GPR143: variants seen among roughly 807,000 people sequenced by gnomAD.
GPR143 encodes G protein-coupled receptor 143, also known as G-protein coupled receptor 143.
In GPR143, 8 loss-of-function variants were observed where a neutral mutation model predicts 27.6. The ratio of observed to expected loss-of-function variants is 0.29; its 90% CI spans 0.17 to 0.52. The LOEUF is 0.52. GPR143 is among the 20% of genes least tolerant of loss of function. The pLI, the probability that GPR143 is intolerant of heterozygous loss-of-function variation, is 0.96. For missense variants in GPR143, 303 were observed against 343.1 expected (o/e 0.88, Z 0.92); for synonymous variants, 156 against 153.2 (o/e 1.02, Z -0.13).
chrX:9,763,701 G>A (rs1469696776), intron 1 of GPR143, among the ~76,000 whole-genome samples: 2 of 111,697 alleles, frequency 1.8e-5, no homozygotes, highest in African/African-American at 3.3e-5. Flanking sequence ...CTGCATTTAC[G>A]CATGGTGGAA....
In GPR143 at chrX:9,751,496, G is replaced by A. The variant is rs1326590118; in HGVS notation, c.456-2830C>T. Among the ~76,000 whole-genome samples, 7 of 112,483 alleles carry A rather than the reference G, an allele frequency of 6.2e-5. No individual in the cohort carries two copies. In the East Asian group the frequency reaches 1.4e-3, roughly 22 times the overall value. ...CTACAAGATGGCTGTCAGCACGTGC[G>A]AAGGTAATATCGAGTTGAAAGGAAT... On this transcript the variant is annotated intron_variant, in intron 3 of 8. Coordinates refer to ENST00000467482, the MANE Select transcript of GPR143 (RefSeq NM_000273.3).
chrX:9,740,928 C>T (rs1442190594), intron 7 of GPR143: 1 of 294,860 alleles, frequency 3.4e-6, no homozygotes, highest in African/African-American at 2.8e-5. Context: ...CTGCACCAAA[C>T]TGTTTGACCA....
chrX:9,753,959 C>T (rs975890425), intron 3 of GPR143, among the ~76,000 whole-genome samples: 1 of 111,759 alleles, frequency 8.9e-6, no homozygotes, highest in Admixed American at 9.6e-5. Flanking sequence ...ACCCCGTTTC[C>T]CCCAGGAGTT....
intron 1 of GPR143, among the ~76,000 whole-genome samples, chrX:9,771,711 CT>C (rs58257808): frequency 2.0e-4 from 19 of 94,611 alleles, no homozygotes; most frequent in South Asian, 4.8e-4. Context: ...CATTCTCTCT[CT>C]TTTTTTTTTT....
chrX:9,772,084 C>G (rs1447737570), intron 1 of GPR143, among the ~76,000 whole-genome samples: 1 of 111,396 alleles, frequency 9.0e-6, no homozygotes, highest in Non-Finnish European at 1.9e-5. Flanking sequence ...TGTCCTTCCT[C>G]TTGGATTCTG....
At position 9,755,683 on chromosome X, in the gene GPR143, C is replaced by T. The variant is rs1312085416; in HGVS notation, c.455+3649G>A. Reference sequence around the variant, plus strand: ...CACCAGCAGCTATATTGGGCCATGACACTTTGAGGATGGAAGTCACACGAT... The same window carrying T: ...CACCAGCAGCTATATTGGGCCATGATACTTTGAGGATGGAAGTCACACGAT... On this transcript the variant is annotated intron_variant, in intron 3 of 8. Transcript: ENST00000467482. 5.4e-5 allele frequency among the ~76,000 whole-genome samples: 6 copies of T among 110,720 alleles called. No individual in the cohort carries two copies. In the South Asian group the frequency reaches 1.5e-3, roughly 28 times the overall value.
At chrX:9,753,370 A>G (rs1160091464) in intron 3 of GPR143, among the ~76,000 whole-genome samples, 4 of 107,781 alleles carry the variant, frequency 3.7e-5, no homozygotes, top group Non-Finnish European at 7.6e-5. Context: ...AAAAATAAAT[A>G]AATAAATAAA....
chrX:9,761,228 G>C (rs2083498471), intron 1 of GPR143, among the ~76,000 whole-genome samples: 1 of 111,071 alleles, frequency 9.0e-6, no homozygotes, highest in South Asian at 3.8e-4. Flanking sequence ...CGAGTGGCTG[G>C]GATTACAGGC....
upstream of GPR143, among the ~76,000 whole-genome samples, chrX:9,770,358 G>GAGAGAGAGAGA (rs1569127514): frequency 2.2e-4 from 17 of 76,592 alleles, no homozygotes; most frequent in African/African-American, 9.5e-4. Context: ...AGAGAGAGAG[G>GAGAGAGAGAGA]AAGACCAGCC....
At chrX:9,765,912 T>A (rs1325202231), upstream of GPR143, 16 of 866,362 alleles carry the variant, frequency 1.8e-5, no homozygotes, top group Admixed American at 7.5e-4. Flanking sequence ...TCATGTGCCC[T>A]GGGCCTCTCC....
chrX:9,733,146 A>T (rs1279368230), intron 8 of GPR143, among the ~76,000 whole-genome samples: 1 of 110,736 alleles, frequency 9.0e-6, no homozygotes, highest in Non-Finnish European at 1.9e-5. Context: ...AGAAACAGGA[A>T]ATTGCTGGAG....
chrX:9,771,077 G>A (rs747041627), upstream of GPR143, among the ~76,000 whole-genome samples: 2 of 111,761 alleles, frequency 1.8e-5, no homozygotes, highest in South Asian at 7.5e-4. Flanking sequence ...GATTGCCTGA[G>A]GTCAGGAGTT....
In GPR143 at chrX:9,750,075, T is replaced by C. The variant is rs772202315; in HGVS notation, c.456-1409A>G. On this transcript the variant is annotated intron_variant, in intron 3 of 8. Coordinates refer to ENST00000467482, the MANE Select transcript of GPR143 (RefSeq NM_000273.3). ...GCCATAGCGGCGGCCCTTTCTTCCC[T>C]TTTTCTGACTGAATACCATTCCATT... Among the ~76,000 whole-genome samples the C allele has an allele frequency of 1.4e-3, 152 of 112,533 alleles. 1 individual carries two copies. Among genetic ancestry groups the C allele is most frequent in the African/African-American group, 4.7e-3 (147 of 31,034 alleles).
intron 3 of GPR143, among the ~76,000 whole-genome samples, chrX:9,753,410 GAA>G (rs5901416): frequency 1.0e-3 from 73 of 72,906 alleles, no homozygotes; most frequent in African/African-American, 7.8e-4. Context: ...AACAGAATCT[GAA>G]AAAAAAAAAA....
intron 8 of GPR143, among the ~76,000 whole-genome samples, chrX:9,735,905 G>C (rs930074293): frequency 2.7e-5 from 3 of 111,868 alleles, no homozygotes; most frequent in Admixed American, 9.5e-5. Context: ...AAGCAGCCCT[G>C]GTAAGGGGTT....
chrX:9,732,757 G>A (rs185073505), intron 8 of GPR143, among the ~76,000 whole-genome samples: 8 of 108,348 alleles, frequency 7.4e-5, no homozygotes, highest in Admixed American at 4.0e-4. Flanking sequence ...CAGCTACTCC[G>A]GAGGCTGAGG....
intron 1 of GPR143, among the ~76,000 whole-genome samples, chrX:9,771,709 CTCTTTT>C (rs1460086337): frequency 2.2e-5 from 2 of 92,818 alleles, no homozygotes; most frequent in African/African-American, 4.0e-5. Context: ...AGCATTCTCT[CTCTTTT>C]TTTTTTTTTT....
intron 8 of GPR143, among the ~76,000 whole-genome samples, chrX:9,728,079 G>A (rs1327256405): frequency 8.9e-6 from 1 of 112,151 alleles, no homozygotes; most frequent in Non-Finnish European, 1.9e-5. Context: ...TTCATGGCAC[G>A]TCCCACTACC....
intron 1 of GPR143, among the ~76,000 whole-genome samples, chrX:9,761,034 G>A (rs2083497196): frequency 9.0e-6 from 1 of 111,264 alleles, no homozygotes; most frequent in Non-Finnish European, 1.9e-5. Flanking sequence ...ATATTTGTGT[G>A]TGCAGAGAGA....
Sources: gnomAD v4.1 joint callset for allele counts (sites outside exome capture counted in the v4.1 genomes callset) on GRCh38, gnomAD v4.1.1 for gene constraint, MANE v1.5 for transcripts, NCBI Gene and HGNC (gene_info 2026-07-23, HGNC 2026-07-21) for gene names.